The following DCAF16 variants were observed in gnomAD, a reference collection of about 807,000 sequenced individuals.
The protein encoded by DCAF16 is DDB1 and CUL4 associated factor 16, also known as DDB1- and CUL4-associated factor 16.
Under a neutral mutation model 17.3 loss-of-function variants are expected in DCAF16, and 10 were observed. The ratio of observed to expected loss-of-function variants is 0.58; its 90% CI spans 0.36 to 0.98. The LOEUF is 0.98. DCAF16 is among the 50% of genes least tolerant of loss of function. The pLI, the probability that DCAF16 is intolerant of heterozygous loss-of-function variation, is 0.01. For synonymous variants in DCAF16, 111 were observed against 92.8 expected (o/e 1.20, Z -1.12); for missense variants, 249 against 247.6 (o/e 1.01, Z -0.04).
chr4:17,796,052 T>C (rs899887810), downstream of DCAF16, among the ~76,000 whole-genome samples: 1 of 152,192 alleles, frequency 6.6e-6, no homozygotes, highest in African/African-American at 2.4e-5. Flanking sequence ...ATCACTACCA[T>C]TACCATCCTC....
chr4:17,808,245 A>G (rs745491511), intron 1 of DCAF16, among the ~76,000 whole-genome samples: 1 of 152,246 alleles, frequency 6.6e-6, no homozygotes. Context: ...TCTGAAAAAG[A>G]GTATTCATTC....
At chr4:17,793,691 T>C in the DCAF16 span, among the ~76,000 whole-genome samples, 3 of 152,282 alleles carry the variant, frequency 2.0e-5, no homozygotes, top group Admixed American at 1.3e-4. Flanking sequence ...TTCTGCGAGA[T>C]GTATAGACTA....
downstream of DCAF16, among the ~76,000 whole-genome samples, chr4:17,797,542 T>C (rs1267563989): frequency 1.3e-5 from 2 of 152,196 alleles, no homozygotes; most frequent in Non-Finnish European, 2.9e-5. Flanking sequence ...ATCAATATCA[T>C]ATAACACACT....
Position 17,803,326 on chromosome 4 carries a change from T to A in DCAF16, c.*165A>T. ...AGGTGTGAGCCACCATGCCTGACCT[T>A]GATATTATCATTTTATCCACAGGGT... On this transcript the variant is annotated 3_prime_UTR_variant, in exon 3 of 3. Transcript: ENST00000382247. 1.5e-6 allele frequency: 1 copy of A among 684,680 alleles called. No homozygotes were observed. The allele number at this position is 684,680 out of a possible 1,614,324, so 42.4% of individuals were successfully genotyped here.
rs1230593380 is a variant in DCAF16 at position 17,803,773 on chromosome 4, A to C, written c.369T>G (p.Pro123=). ...TGGGACTTGTAAGAGGCTTTTGAAA[A>C]GGTGGGACTCCACAAGAGGCCAGAG... ...WPPLASCGVP[P]FQKPLTSPSR... is the part of the protein sequence containing the mutation. Residue 123 remains proline (P), a synonymous_variant, in exon 3 of 3, where the codon CCT becomes CCG. Transcript: ENST00000382247. 1.2e-6 allele frequency: 2 copies of C among 1,614,178 alleles called. No individual in the cohort carries two copies. The highest frequency in any genetic ancestry group is 1.3e-5 in the African/African-American group (1 of 75,038).
chr4:17,801,298 T>C lies in DCAF16; in HGVS notation c.*2193A>G, dbSNP rs1719753303. The C allele has an allele frequency of 6.6e-6, 1 of 152,156 alleles. No individual in the cohort carries two copies. The highest frequency in any genetic ancestry group is 2.4e-5 in the African/African-American group (1 of 41,404). The allele number at this position is 152,156 out of a possible 1,614,324, so 9.4% of individuals were successfully genotyped here. On this transcript the variant is annotated 3_prime_UTR_variant, in exon 3 of 3. Transcript: ENST00000382247. The stretch of plus-strand genomic sequence containing the variant: ...CACATGCCACCACGCCCGGCTAATT[T>C]TTATATTTTTAGTAGAGATGGGCTT...
At position 17,803,650 on chromosome 4, in the gene DCAF16, T is replaced by C; in HGVS notation, c.492A>G (p.Glu164=). ...ATGAATTAGGGATCTGTTTTAGGTA[T>C]TCAGGTATGGGAGTGGCTCTACTCA... is the stretch of plus-strand genomic sequence containing the variant. The part of the protein sequence containing the change: ...RTLSRATPIP[E]YLKQIPNSCV... Residue 164 remains glutamate (E), a synonymous_variant, in exon 3 of 3, where the codon GAA becomes GAG. Transcript: ENST00000382247. 6.2e-7 allele frequency: 1 copy of C among 1,614,206 alleles called. No individual in the cohort carries two copies. Among genetic ancestry groups the C allele is most frequent in the Non-Finnish European group, 8.5e-7 (1 of 1,180,044 alleles).
At chr4:17,799,155 C>T (rs182230599), downstream of DCAF16, among the ~76,000 whole-genome samples, 81 of 152,296 alleles carry the variant, frequency 5.3e-4, no homozygotes, top group Non-Finnish European at 1.0e-3. Context: ...TATATATTTT[C>T]TCCATTTCCT....
chr4:17,795,784 T>C (rs1242020936), downstream of DCAF16, among the ~76,000 whole-genome samples: 2 of 152,250 alleles, frequency 1.3e-5, no homozygotes, highest in Admixed American at 6.5e-5. Context: ...TAGTGATCCT[T>C]GGCTATCTGT....
At chr4:17,798,633 A>T (rs1219612442), downstream of DCAF16, among the ~76,000 whole-genome samples, 1 of 152,108 alleles carries the variant, frequency 6.6e-6, no homozygotes, top group Admixed American at 6.6e-5. Flanking sequence ...AAAGAAAACC[A>T]GGCATTCATT....
chr4:17,799,862 G>A (rs1386319203), downstream of DCAF16, among the ~76,000 whole-genome samples: 1 of 152,046 alleles, frequency 6.6e-6, no homozygotes, highest in African/African-American at 2.4e-5. Flanking sequence ...TAAAAATGTT[G>A]CCTATGGCTG....
chr4:17,807,061 T>G (rs1306077451), intron 1 of DCAF16, among the ~76,000 whole-genome samples: 1 of 152,178 alleles, frequency 6.6e-6, no homozygotes, highest in East Asian at 1.9e-4. Flanking sequence ...ATTTAATACA[T>G]ATACATATAA....
chr4:17,795,717 G>T (rs1719398105), downstream of DCAF16, among the ~76,000 whole-genome samples: 1 of 152,136 alleles, frequency 6.6e-6, no homozygotes, highest in Admixed American at 6.5e-5. Flanking sequence ...ATTCCTTTCT[G>T]AGAATATCAC....
intron 1 of DCAF16, among the ~76,000 whole-genome samples, chr4:17,807,963 G>A (rs1382303086): frequency 6.6e-6 from 1 of 152,172 alleles, no homozygotes; most frequent in Admixed American, 6.5e-5. Flanking sequence ...GCATATATGA[G>A]TGGCTCAGTA....
At chr4:17,799,663 A>G (rs1184150455), downstream of DCAF16, among the ~76,000 whole-genome samples, 3 of 148,958 alleles carry the variant, frequency 2.0e-5, no homozygotes, top group Non-Finnish European at 4.5e-5. Context: ...TTTTCATCAG[A>G]GACTTTTTTT....
chr4:17,804,165 C>G lies in DCAF16; in HGVS notation c.-24G>C. The G allele has an allele frequency of 6.3e-7, 1 of 1,585,992 alleles. No homozygotes were observed. Among genetic ancestry groups the G allele is most frequent in the Non-Finnish European group, 8.6e-7 (1 of 1,166,512 alleles). On this transcript the variant is annotated 5_prime_UTR_variant, in exon 3 of 3. Coordinates refer to ENST00000382247, the MANE Select transcript of DCAF16 (RefSeq NM_017741.4). Reference sequence around the variant, plus strand: ...ATCAGAATAAAACACAGTAAGGAACCAGAAAAAGGTAATAATCTAAGCCAG... The same window carrying G: ...ATCAGAATAAAACACAGTAAGGAACGAGAAAAAGGTAATAATCTAAGCCAG...
At position 17,803,014 on chromosome 4, in the gene DCAF16, C is replaced by T; in HGVS notation, c.*477G>A. 1 of 155,836 alleles carries T rather than the reference C, an allele frequency of 6.4e-6. No homozygotes were observed. Among genetic ancestry groups the T allele is most frequent in the Non-Finnish European group, 1.4e-5 (1 of 70,522 alleles). The allele number at this position is 155,836 out of a possible 1,614,324, so 9.7% of individuals were successfully genotyped here. ...TTCAACTATCTTTTGTAATATGGTCCCCTTAACTAATTCTCCTTTTTTTTT... is the reference window on the plus strand; with the variant it reads ...TTCAACTATCTTTTGTAATATGGTCTCCTTAACTAATTCTCCTTTTTTTTT... On this transcript the variant is annotated 3_prime_UTR_variant, in exon 3 of 3. Transcript: ENST00000382247.
In DCAF16 at chr4:17,802,520, A is replaced by G. The variant is rs904563107; in HGVS notation, c.*971T>C. The G allele has an allele frequency of 1.3e-5, 2 of 152,156 alleles. No individual in the cohort carries two copies. The highest frequency in any genetic ancestry group is 4.8e-5 in the African/African-American group (2 of 41,430). 9.4% of individuals were successfully genotyped at this position (152,156 alleles called of 1,614,324 possible). On this transcript the variant is annotated 3_prime_UTR_variant, in exon 3 of 3. Transcript: ENST00000382247. ...CTCCCCGCCCCCTTCCAAAAAAAAGAAAAAGTGAAAGGAACTCTAAAGAGT... is the reference window on the plus strand; with the variant it reads ...CTCCCCGCCCCCTTCCAAAAAAAAGGAAAAGTGAAAGGAACTCTAAAGAGT...
rs1032080108 is a variant in DCAF16, at chr4:17,804,230, G to A, written c.-89C>T. ...ACACTGGCAAATAGAAATAAGAGAT[G>A]AAAAATCCTTTCACCAAGATTAATT... On this transcript the variant is annotated 5_prime_UTR_variant, in exon 3 of 3. Coordinates refer to ENST00000382247, the MANE Select transcript of DCAF16 (RefSeq NM_017741.4). 1.6e-5 allele frequency: 18 copies of A among 1,127,850 alleles called. No homozygotes were observed. Among genetic ancestry groups the A allele is most frequent in the Non-Finnish European group, 8.9e-6 (7 of 786,566 alleles). 69.9% of individuals were successfully genotyped at this position (1,127,850 alleles called of 1,614,324 possible).
Sources: gnomAD v4.1 joint callset for allele counts (sites outside exome capture counted in the v4.1 genomes callset) on GRCh38, gnomAD v4.1.1 for gene constraint, MANE v1.5 for transcripts, NCBI Gene and HGNC (gene_info 2026-07-23, HGNC 2026-07-21) for gene names.